Variants in TCEA1 observed in about 807,000 individuals in gnomAD.
TCEA1 encodes transcription elongation factor A protein 1.
Under a neutral mutation model 43.8 loss-of-function variants are expected in TCEA1, and 21 were observed. That is an observed-to-expected ratio of 0.48 (90% CI 0.34 to 0.69). The LOEUF is 0.69. Ranked by LOEUF, TCEA1 falls within the 30% of genes least tolerant of loss-of-function variation. TCEA1 has a pLI of 0.01. For synonymous variants in TCEA1, 104 were observed against 117.5 expected (o/e 0.88, Z 0.75); for missense variants, 250 against 365.1 (o/e 0.68, Z 2.57).
chr8:54,021,740 T>A (rs1236080801), intron 1 of TCEA1: 7 of 248,974 alleles, frequency 2.8e-5, no homozygotes, highest in Non-Finnish European at 5.3e-5. Flanking sequence ...CTTCAATTCC[T>A]AAGCTAAATT....
At chr8:53,973,695 A>T in intron 8 of TCEA1, 1 of 560,056 alleles carries the variant, frequency 1.8e-6, no homozygotes, top group Non-Finnish European at 3.5e-6. Flanking sequence ...GAAAAAAAAG[A>T]AATTATTAGA....
intron 2 of TCEA1, among the ~76,000 whole-genome samples, chr8:54,004,635 G>T (rs1396474634): frequency 6.6e-6 from 1 of 152,142 alleles, no homozygotes; most frequent in Non-Finnish European, 1.5e-5. Context: ...GACCAGTTGG[G>T]GGGAACGGAG....
At chr8:54,015,321 C>A (rs868490981) in intron 1 of TCEA1, among the ~76,000 whole-genome samples, 2 of 151,982 alleles carry the variant, frequency 1.3e-5, no homozygotes, top group African/African-American at 2.4e-5. Flanking sequence ...AGGCGCCCAC[C>A]ACCACGCCCA....
intron 3 of TCEA1, chr8:53,999,730 CAA>C: frequency 4.4e-6 from 2 of 457,180 alleles, no homozygotes; most frequent in Non-Finnish European, 7.7e-6. Flanking sequence ...CCAGTTGTGT[CAA>C]AAGTTAAGAA....
At chr8:53,991,121 A>G (rs920806157) in intron 4 of TCEA1, among the ~76,000 whole-genome samples, 3 of 152,154 alleles carry the variant, frequency 2.0e-5, no homozygotes, top group African/African-American at 7.2e-5. Context: ...GGCCAGGCGC[A>G]GTGGCTCACG....
At chr8:54,014,650 T>C (rs1333456750) in intron 1 of TCEA1, among the ~76,000 whole-genome samples, 1 of 152,200 alleles carries the variant, frequency 6.6e-6, no homozygotes, top group East Asian at 1.9e-4. Context: ...AAACAAGTGA[T>C]TTTATAAACC....
intron 7 of TCEA1, 144 bp downstream of exon 7, chr8:53,984,219 G>A: frequency 5.8e-6 from 4 of 695,630 alleles, no homozygotes; most frequent in Non-Finnish European, 8.6e-6. Flanking sequence ...ATCACCTTAA[G>A]TATTTGTCTA....
intron 8 of TCEA1, chr8:53,974,232 AT>A (rs1585987649): frequency 1.3e-5 from 2 of 153,990 alleles, no homozygotes; most frequent in East Asian, 3.8e-4. Context: ...TTCTTTTTGA[AT>A]TGAAAACATC....
chr8:53,986,953 TACAC>T lies in TCEA1; in HGVS notation c.523+12_523+15del, dbSNP rs1213019898. 1 of 1,565,564 alleles carries T rather than the reference TACAC, an allele frequency of 6.4e-7. No homozygotes were observed. Among genetic ancestry groups the T allele is most frequent in the Non-Finnish European group, 8.6e-7 (1 of 1,157,238 alleles). The stretch of plus-strand genomic sequence containing the variant: ...TTATTAAAAAAAACAATTATGAATA[TACAC>T]ACAAAGGATATCTTCTTCAATTTGA... On this transcript the variant is annotated intron_variant, in intron 6 of 9. Transcript: ENST00000521604.
intron 1 of TCEA1, among the ~76,000 whole-genome samples, chr8:54,014,448 TA>T (rs1007497790): frequency 2.0e-5 from 3 of 151,346 alleles, no homozygotes; most frequent in East Asian, 3.9e-4. Flanking sequence ...CACCTCTATT[TA>T]AAAAAAAAGA....
intron 7 of TCEA1, among the ~76,000 whole-genome samples, chr8:53,982,117 CA>C (rs1803530943): frequency 6.6e-6 from 1 of 151,972 alleles, no homozygotes; most frequent in Non-Finnish European, 1.5e-5. Flanking sequence ...GTAGCTTCTA[CA>C]AAAAGTAATT....
intron 9 of TCEA1, among the ~76,000 whole-genome samples, chr8:53,969,944 C>T (rs555501560): frequency 6.6e-6 from 1 of 152,194 alleles, no homozygotes; most frequent in African/African-American, 2.4e-5. Context: ...GAAAAGCCTA[C>T]CAAATGACAG....
chr8:53,977,154 C>T (rs892056632), intron 8 of TCEA1, among the ~76,000 whole-genome samples: 3 of 152,086 alleles, frequency 2.0e-5, no homozygotes, highest in Non-Finnish European at 2.9e-5. Flanking sequence ...CCCGTCTCTA[C>T]TAAAAATACA....
At chr8:53,981,931 T>TTTC (rs745744992) in intron 7 of TCEA1, among the ~76,000 whole-genome samples, 2,076 of 119,286 alleles carry the variant, frequency 0.017, 31 homozygotes, top group Non-Finnish European at 0.021. Flanking sequence ...AGTTTTCTTT[T>TTTC]TTTTTTTTTT....
chr8:53,987,132 ACAT>A (rs1803713425), intron 5 of TCEA1, 107 bp from the exon 6 acceptor site: 3 of 900,744 alleles, frequency 3.3e-6, no homozygotes, highest in Non-Finnish European at 5.2e-6. Flanking sequence ...CATTTGCCTG[ACAT>A]AAAGAAACCG....
intron 2 of TCEA1, among the ~76,000 whole-genome samples, chr8:54,007,225 G>A (rs562682196): frequency 1.3e-4 from 20 of 152,090 alleles, no homozygotes; most frequent in Admixed American, 3.9e-4. Context: ...CTCAGAATCC[G>A]TTAAAAATGG....
At chr8:54,000,152 A>C in intron 2 of TCEA1, 102 bp from the exon 3 acceptor site, 1 of 780,072 alleles carries the variant, frequency 1.3e-6, no homozygotes, top group Non-Finnish European at 2.0e-6. Context: ...TTTCTATTTT[A>C]GAATTTCAAA....
At chr8:53,991,368 G>A (rs1563486790) in intron 4 of TCEA1, among the ~76,000 whole-genome samples, 1 of 151,576 alleles carries the variant, frequency 6.6e-6, no homozygotes, top group Non-Finnish European at 1.5e-5. Flanking sequence ...ATTCCAGCCT[G>A]GGCAACAGAG....
At chr8:53,986,002 C>T (rs1803679823) in intron 6 of TCEA1, among the ~76,000 whole-genome samples, 1 of 152,082 alleles carries the variant, frequency 6.6e-6, no homozygotes, top group African/African-American at 2.4e-5. Context: ...CATAGATGTC[C>T]CTCTCCTTTC....
Sources: gnomAD v4.1 joint callset for allele counts (sites outside exome capture counted in the v4.1 genomes callset) on GRCh38, gnomAD v4.1.1 for gene constraint, MANE v1.5 for transcripts, NCBI Gene and HGNC (gene_info 2026-07-23, HGNC 2026-07-21) for gene names.